The following LRPPRC variants were observed in gnomAD, a reference collection of about 807,000 sequenced individuals.
LRPPRC encodes leucine-rich PPR motif-containing protein, mitochondrial.
In LRPPRC, 120 loss-of-function variants were observed where a neutral mutation model predicts 180.3. The ratio of observed to expected loss-of-function variants is 0.67; its 90% CI spans 0.57 to 0.77. LRPPRC has a LOEUF of 0.77. LRPPRC is among the 30% of genes least tolerant of loss of function. The probability of loss-of-function intolerance (pLI) is 0.00; values close to 1 mark genes in which losing one functional copy is unlikely to be tolerated. For missense variants in LRPPRC, 2,012 were observed against 1,657.2 expected (o/e 1.21, Z -3.72); for synonymous variants, 723 against 600.0 (o/e 1.21, Z -3.00).
At chr2:43,993,944 C>A (rs1353663545) in intron 1 of LRPPRC, among the ~76,000 whole-genome samples, 2 of 151,750 alleles carry the variant, frequency 1.3e-5, no homozygotes, top group African/African-American at 4.8e-5. Flanking sequence ...GAGGAACAGA[C>A]AGGTTAGTAA....
chr2:43,950,282 A>T (rs1002618745), intron 15 of LRPPRC, among the ~76,000 whole-genome samples: 1 of 152,070 alleles, frequency 6.6e-6, no homozygotes, highest in African/African-American at 2.4e-5. Context: ...TACATCGGTA[A>T]ACGTGTGCCA....
chr2:43,922,598 A>T (rs1671736966), intron 27 of LRPPRC, among the ~76,000 whole-genome samples: 1 of 152,188 alleles, frequency 6.6e-6, no homozygotes, highest in Non-Finnish European at 1.5e-5. Context: ...TCTCTACTAA[A>T]AATACAAAAA....
intron 30 of LRPPRC, among the ~76,000 whole-genome samples, chr2:43,912,128 A>C (rs1037258486): frequency 6.6e-6 from 1 of 152,206 alleles, no homozygotes; most frequent in African/African-American, 2.4e-5. Flanking sequence ...ACATGGATTT[A>C]GATGTTGAAC....
chr2:43,911,169 TAA>T (rs911696035), intron 30 of LRPPRC, among the ~76,000 whole-genome samples: 8 of 138,252 alleles, frequency 5.8e-5, no homozygotes, highest in South Asian at 2.4e-4. Flanking sequence ...TATATATATA[TAA>T]AATTTGATTA....
chr2:43,935,841 G>A (rs574915271), intron 23 of LRPPRC, among the ~76,000 whole-genome samples: 6 of 152,286 alleles, frequency 3.9e-5, no homozygotes, highest in African/African-American at 9.6e-5. Flanking sequence ...GACCAGGTGC[G>A]GTGGCTCATG....
rs1446395152 is a variant in LRPPRC at position 43,886,669 on chromosome 2, G to A, written c.*1931C>T. 1.3e-5 allele frequency: 2 copies of A among 152,190 alleles called. No individual in the cohort carries two copies. Among genetic ancestry groups the A allele is most frequent in the Non-Finnish European group, 2.9e-5 (2 of 68,042 alleles). 9.4% of individuals were successfully genotyped at this position (152,190 alleles called of 1,614,324 possible). On this transcript the variant is annotated 3_prime_UTR_variant, in exon 38 of 38. Coordinates refer to ENST00000260665, the MANE Select transcript of LRPPRC (RefSeq NM_133259.4). The stretch of plus-strand genomic sequence containing the variant: ...CAGTGTGGAGTCACTTCATGCAAAT[G>A]AGATGGTACTTTCAGTTTCCCCAAA...
intron 23 of LRPPRC, among the ~76,000 whole-genome samples, chr2:43,937,881 G>A (rs564148220): frequency 1.3e-5 from 2 of 152,176 alleles, no homozygotes; most frequent in Non-Finnish European, 2.9e-5. Flanking sequence ...CCAAAATGTG[G>A]GACAACACAT....
intron 1 of LRPPRC, among the ~76,000 whole-genome samples, chr2:43,988,762 C>A (rs1674645679): frequency 1.3e-5 from 2 of 151,958 alleles, no homozygotes; most frequent in South Asian, 4.2e-4. Context: ...CCAGGATGGT[C>A]TCGATCTCCT....
At chr2:43,918,913 C>T (rs748815468) in intron 27 of LRPPRC, among the ~76,000 whole-genome samples, 6 of 150,862 alleles carry the variant, frequency 4.0e-5, no homozygotes, top group African/African-American at 9.7e-5. Context: ...TACATACATA[C>T]GTGTACCGTA....
At chr2:43,965,034 C>T (rs745541129) in intron 11 of LRPPRC, among the ~76,000 whole-genome samples, 7 of 152,132 alleles carry the variant, frequency 4.6e-5, no homozygotes, top group Non-Finnish European at 1.0e-4. Flanking sequence ...CTGAATATTG[C>T]TCGGTCGCCC....
In LRPPRC at chr2:43,934,282, T is replaced by A; in HGVS notation, c.2644A>T (p.Ser882Cys). Residue 882 changes from serine (S) to cysteine (C), a missense_variant, in exon 25 of 38, where the codon AGC becomes TGC. Coordinates refer to ENST00000260665, the MANE Select transcript of LRPPRC (RefSeq NM_133259.4). ...DLIQKAMDFV[S>C]QEQGEMVMLY... Reference sequence around the variant, plus strand: ...ATCACCATTTCACCTTGTTCTTGGCTCACAAAGTCCATTGCTAGGTAGGAG... The same window carrying A: ...ATCACCATTTCACCTTGTTCTTGGCACACAAAGTCCATTGCTAGGTAGGAG... The A allele has an allele frequency of 6.3e-7, 1 of 1,598,684 alleles. No individual in the cohort carries two copies. The highest frequency in any genetic ancestry group is 8.6e-7 in the Non-Finnish European group (1 of 1,166,942).
intron 14 of LRPPRC, among the ~76,000 whole-genome samples, chr2:43,953,978 T>A (rs1428213589): frequency 1.3e-5 from 2 of 152,184 alleles, no homozygotes; most frequent in Non-Finnish European, 2.9e-5. Flanking sequence ...AACACCACCC[T>A]GGGCAATACA....
At chr2:43,987,364 G>A (rs769204273) in intron 1 of LRPPRC, among the ~76,000 whole-genome samples, 21 of 151,840 alleles carry the variant, frequency 1.4e-4, no homozygotes, top group Non-Finnish European at 2.8e-4. Flanking sequence ...GGGCCGTGGC[G>A]GGCGCCTATA....
At chr2:43,945,974 G>A (rs1435428405) in intron 21 of LRPPRC, 139 bp downstream of exon 21, 11 of 885,052 alleles carry the variant, frequency 1.2e-5, no homozygotes, top group South Asian at 4.3e-5. Flanking sequence ...CGTATAATAC[G>A]AAATTTCAAA....
intron 29 of LRPPRC, 23 bp downstream of exon 29, chr2:43,918,002 C>A (rs1159623449): frequency 1.3e-6 from 2 of 1,507,104 alleles, no homozygotes; most frequent in African/African-American, 1.4e-5. Flanking sequence ...CCCACACACA[C>A]CCCCATCCCC....
chr2:43,890,888 T>C (rs1247403216), intron 36 of LRPPRC, among the ~76,000 whole-genome samples: 1 of 152,206 alleles, frequency 6.6e-6, no homozygotes, highest in Admixed American at 6.5e-5. Context: ...TAACAATTAC[T>C]GCTGGTAATT....
intron 16 of LRPPRC, 44 bp from the exon 17 acceptor site, chr2:43,948,562 G>T (rs757492425): frequency 2.2e-6 from 2 of 923,562 alleles, no homozygotes; most frequent in South Asian, 2.6e-5. Context: ...AAATTACCGA[G>T]ACTGTCATGT....
At chr2:43,958,503 T>C (rs1037614010) in intron 13 of LRPPRC, among the ~76,000 whole-genome samples, 12 of 152,200 alleles carry the variant, frequency 7.9e-5, no homozygotes, top group African/African-American at 2.4e-5. Context: ...AGCTGCTATA[T>C]TCCTTGAACA....
At chr2:43,891,556 T>C (rs1457558119) in intron 36 of LRPPRC, among the ~76,000 whole-genome samples, 6 of 152,202 alleles carry the variant, frequency 3.9e-5, no homozygotes, top group Non-Finnish European at 7.3e-5. Flanking sequence ...ACTATTGTAA[T>C]TGGGGGATGC....
Sources: allele counts gnomAD v4.1 joint callset (sites outside exome capture counted in the v4.1 genomes callset), GRCh38; gene constraint gnomAD v4.1.1; transcripts MANE v1.5; gene names NCBI Gene and HGNC (gene_info 2026-07-23, HGNC 2026-07-21).